FBXO46: variants seen among roughly 807,000 people sequenced by gnomAD.
FBXO46 encodes the protein F-box protein 46, also known as F-box only protein 46.
In FBXO46, 13 loss-of-function variants were observed where a neutral mutation model predicts 30.7. The observed-to-expected ratio is 0.42, with a 90% confidence interval of 0.28 to 0.67. FBXO46 has a LOEUF of 0.67. Ranked by LOEUF, FBXO46 falls within the 30% of genes least tolerant of loss-of-function variation. FBXO46 has a pLI of 0.21. For synonymous variants in FBXO46, 467 were observed against 385.8 expected (o/e 1.21, Z -2.47); for missense variants, 754 against 871.5 (o/e 0.87, Z 1.70).
At chr19:45,717,662 C>A (rs1418770381) in intron 1 of FBXO46, among the ~76,000 whole-genome samples, 1 of 152,140 alleles carries the variant, frequency 6.6e-6, no homozygotes, top group African/African-American at 2.4e-5. Flanking sequence ...TCCCCTCGAA[C>A]AGAAGCCCTG....
chr19:45,713,407 G>A lies in FBXO46; in HGVS notation c.89C>T (p.Ala30Val), dbSNP rs372194078. The stretch of plus-strand genomic sequence containing the variant: ...AGGGCAGGCTGATGGCTTGAGGGCC[G>A]CAGAAGGCGGGCGTGGCTGGTTCTG... ...YSQNQPRPPS[A>V]ALKPSACPEP... The change falls in exon 2 of 2, where the codon GCG becomes GTG. Residue 30 changes from alanine (A) to valine (V), a missense_variant. By Grantham distance (64) the Ala-to-Val change is moderately conservative. Around this residue, in one of 5 missense-constraint regions of FBXO46, gnomAD observed 97 missense variants for 113.0 expected, o/e 0.86. Transcript: ENST00000317683. The surrounding 1 kb of genome is among the most constrained non-coding windows in gnomAD (Gnocchi z 4.7). The A allele has an allele frequency of 1.3e-5, 21 of 1,608,742 alleles. No individual in the cohort carries two copies. The highest frequency in any genetic ancestry group is 3.5e-4 in the Middle Eastern group (2 of 5,770).
At chr19:45,718,699 C>G (rs1352019638) in intron 1 of FBXO46, among the ~76,000 whole-genome samples, 2 of 151,958 alleles carry the variant, frequency 1.3e-5, no homozygotes, top group Non-Finnish European at 2.9e-5. Flanking sequence ...GTTCCCTCTT[C>G]CCTGCCTACT....
At position 45,712,987 on chromosome 19, in the gene FBXO46, A is replaced by G; in HGVS notation, c.509T>C (p.Leu170Pro). The G allele has an allele frequency of 6.3e-7, 1 of 1,575,230 alleles. No homozygotes were observed. The highest frequency in any genetic ancestry group is 8.6e-7 in the Non-Finnish European group (1 of 1,160,318). Reference protein sequence around the residue: ...PASAGEDVDLLSVAEMVALVE... With the variant: ...PASAGEDVDLPSVAEMVALVE... ...CAGGGCCACCATCTCGGCCACAGAG[A>G]GCAGGTCCACGTCCTCACCGGCTGA... is the stretch of plus-strand genomic sequence containing the variant. Residue 170 changes from leucine to proline, a missense_variant, in exon 2 of 2, where the codon CTC becomes CCC. Around this residue, in one of 5 missense-constraint regions of FBXO46, gnomAD observed 454 missense variants for 426.5 expected, o/e 1.06. Transcript: ENST00000317683. The surrounding 1 kb of genome is among the most constrained non-coding windows in gnomAD (Gnocchi z 8.8).
At chr19:45,723,331 G>A (rs1394413520) in intron 1 of FBXO46, 1 of 152,184 alleles carries the variant, frequency 6.6e-6, no homozygotes, top group African/African-American at 2.4e-5. Context: ...CTATGATCAT[G>A]CCACTGCACT....
Position 45,712,847 on chromosome 19 carries a change from G to A in FBXO46, c.649C>T (p.Arg217Trp), listed in dbSNP as rs771585254. The A allele has an allele frequency of 4.1e-5, 66 of 1,613,156 alleles. No homozygotes were observed. Among genetic ancestry groups the A allele is most frequent in the Non-Finnish European group, 4.7e-5 (55 of 1,179,714 alleles). Residue 217 changes from arginine (R) to tryptophan (W), a missense_variant, in exon 2 of 2, where the codon CGG becomes TGG. Around this residue, in one of 5 missense-constraint regions of FBXO46, gnomAD observed 454 missense variants for 426.5 expected, o/e 1.06. Coordinates refer to ENST00000317683, the MANE Select transcript of FBXO46 (RefSeq NM_001080469.2). This position sits in a 1 kb window ranked among gnomAD's most constrained non-coding sequence, Gnocchi z 8.8. ...GGPAKGVGSE[R>W]RSGGGDCSRV... ...CTGCAGTCCCCACCACCGGACCGCC[G>A]TTCAGATCCCACCCCCTTGGCCGGT...
intron 1 of FBXO46, among the ~76,000 whole-genome samples, 168 bp downstream of exon 1, chr19:45,730,681 A>C: frequency 7.0e-6 from 1 of 142,524 alleles, no homozygotes; most frequent in African/African-American, 2.6e-5. Context: ...TCCCCAAGCC[A>C]CCATTCTTCT....
At chr19:45,721,644 G>C (rs1200569698) in intron 1 of FBXO46, among the ~76,000 whole-genome samples, 58 of 144,968 alleles carry the variant, frequency 4.0e-4, no homozygotes, top group African/African-American at 1.5e-3. Flanking sequence ...CCTCTGCCTC[G>C]TGGGTTCAAG....
In FBXO46 at chr19:45,711,655, G is replaced by T; in HGVS notation, c.*29C>A. On this transcript the variant is annotated 3_prime_UTR_variant, in exon 2 of 2. Coordinates refer to ENST00000317683, the MANE Select transcript of FBXO46 (RefSeq NM_001080469.2). The stretch of plus-strand genomic sequence containing the variant: ...GGGGGGAGAGGGGAGGGGTGGGCGT[G>T]GTGGGCTCTCCCCTCCCCTCCCCCG... The T allele has an allele frequency of 6.7e-7, 1 of 1,496,274 alleles. No individual in the cohort carries two copies. Among genetic ancestry groups the T allele is most frequent in the African/African-American group, 1.4e-5 (1 of 72,296 alleles). 92.7% of individuals were successfully genotyped at this position (1,496,274 alleles called of 1,614,324 possible).
chr19:45,711,415 T>G lies in FBXO46; in HGVS notation c.*269A>C. 1.6e-6 allele frequency: 1 copy of G among 624,020 alleles called. No homozygotes were observed. Among genetic ancestry groups the G allele is most frequent in the South Asian group, 1.5e-5 (1 of 65,854 alleles). The allele number at this position is 624,020 out of a possible 1,614,324, so 38.7% of individuals were successfully genotyped here. ...AGCATGGCAGGGAGGGGGTTGGGGC[T>G]GAATGGAGAAGAAAGTGAGATGCTG... On this transcript the variant is annotated 3_prime_UTR_variant, in exon 2 of 2. Transcript: ENST00000317683.
At chr19:45,718,870 A>G (rs762766819) in intron 1 of FBXO46, among the ~76,000 whole-genome samples, 2 of 152,042 alleles carry the variant, frequency 1.3e-5, no homozygotes, top group African/African-American at 4.8e-5. Context: ...AAATATGGAA[A>G]ATCAAAAGAC....
chr19:45,731,633 C>A (rs565923104), upstream of FBXO46, among the ~76,000 whole-genome samples: 1 of 151,566 alleles, frequency 6.6e-6, no homozygotes, highest in Non-Finnish European at 1.5e-5. Context: ...CCTTTCTTAC[C>A]TCCTGATTTA....
At position 45,713,579 on chromosome 19, in the gene FBXO46, G is replaced by C. The variant is rs1321913576; in HGVS notation, c.-78-6C>G. ...TGGGAGGCTCCACATGCCACCTGGA[G>C]ACACGAAGAGGAGGTTGGGGAGCTA... On this transcript the variant is annotated splice_region_variant and splice_polypyrimidine_tract_variant and intron_variant, in intron 1 of 1. Transcript: ENST00000317683. The surrounding 1 kb of genome is among the most constrained non-coding windows in gnomAD (Gnocchi z 4.7). The C allele has an allele frequency of 8.7e-7, 1 of 1,154,960 alleles. No individual in the cohort carries two copies. The highest frequency in any genetic ancestry group is 1.2e-6 in the Non-Finnish European group (1 of 825,068). The allele number at this position is 1,154,960 out of a possible 1,614,324, so 71.5% of individuals were successfully genotyped here.
chr19:45,726,213 A>G (rs1968238049), intron 1 of FBXO46, among the ~76,000 whole-genome samples: 1 of 151,942 alleles, frequency 6.6e-6, no homozygotes, highest in Non-Finnish European at 1.5e-5. Flanking sequence ...GTGTAGTGGC[A>G]TGCAACTGTA....
At chr19:45,715,692 A>C (rs1165292620) in intron 1 of FBXO46, 1 of 151,114 alleles carries the variant, frequency 6.6e-6, no homozygotes, top group Admixed American at 6.7e-5. Flanking sequence ...CTGTAGTCCC[A>C]TCTACTCAGG....
chr19:45,713,523 G>T lies in FBXO46; in HGVS notation c.-28C>A. On this transcript the variant is annotated 5_prime_UTR_variant, in exon 2 of 2. Transcript: ENST00000317683. This position sits in a 1 kb window ranked among gnomAD's most constrained non-coding sequence, Gnocchi z 4.7. Reference sequence around the variant, plus strand: ...TGGGGGATGATGGCAGACAGGCTGGGCTTCAGCGCATCTCAGGACCTAGGT... The same window carrying T: ...TGGGGGATGATGGCAGACAGGCTGGTCTTCAGCGCATCTCAGGACCTAGGT... 6.6e-7 allele frequency: 1 copy of T among 1,516,802 alleles called. No individual in the cohort carries two copies. The highest frequency in any genetic ancestry group is 8.9e-7 in the Non-Finnish European group (1 of 1,126,572). 94.0% of individuals were successfully genotyped at this position (1,516,802 alleles called of 1,614,324 possible). A position where few individuals can be genotyped will look rare whatever the true frequency, so the allele number is the denominator to read the frequency against.
Position 45,711,985 on chromosome 19 carries a change from T to A in FBXO46, c.1511A>T (p.Lys504Met). 1.2e-6 allele frequency: 2 copies of A among 1,612,812 alleles called. No individual in the cohort carries two copies. Among genetic ancestry groups the A allele is most frequent in the Non-Finnish European group, 1.7e-6 (2 of 1,179,708 alleles). Reference protein sequence around the residue: ...AALKCTCHHFKGIIEAFGVRA... With the variant: ...AALKCTCHHFMGIIEAFGVRA... ...CACGCCAAACGCCTCGATGATGCCCTTGAAGTGGTGGCAGGTGCACTTGAG... is the reference window on the plus strand; with the variant it reads ...CACGCCAAACGCCTCGATGATGCCCATGAAGTGGTGGCAGGTGCACTTGAG... The change falls in exon 2 of 2, where the codon AAG becomes ATG. Residue 504 changes from lysine to methionine, a missense_variant. Lys to Met is a moderately conservative substitution (Grantham distance 95). Around this residue, in one of 5 missense-constraint regions of FBXO46, gnomAD observed 162 missense variants for 258.7 expected, o/e 0.63. Coordinates refer to ENST00000317683, the MANE Select transcript of FBXO46 (RefSeq NM_001080469.2).
chr19:45,719,571 G>C (rs189751074), intron 1 of FBXO46, among the ~76,000 whole-genome samples: 1 of 140,190 alleles, frequency 7.1e-6, no homozygotes, highest in African/African-American at 2.7e-5. Context: ...GGGAAAATTA[G>C]TAAGGACCTG....
chr19:45,713,906 TGCA>T lies in FBXO46; in HGVS notation c.-78-336_-78-334del, dbSNP rs1220461828. On this transcript the variant is annotated intron_variant, in intron 1 of 1. Transcript: ENST00000317683. This position sits in a 1 kb window ranked among gnomAD's most constrained non-coding sequence, Gnocchi z 4.7. The stretch of plus-strand genomic sequence containing the variant: ...TCGCTTGAACCTGGGAGGTGGAGGT[TGCA>T]GCGAGACCAGATGGCACCATTACAC... Among the ~76,000 whole-genome samples, 1 of 143,512 alleles carries T rather than the reference TGCA, an allele frequency of 7.0e-6. No homozygotes were observed. The highest frequency in any genetic ancestry group is 1.5e-5 in the Non-Finnish European group (1 of 67,120). 94.1% of individuals were successfully genotyped at this position (143,512 alleles called of 152,430 possible). A position where few individuals can be genotyped will look rare whatever the true frequency, so the allele number is the denominator to read the frequency against.
In FBXO46 at chr19:45,713,710, G is replaced by A. The variant is rs1968040457; in HGVS notation, c.-78-137C>T. Reference sequence around the variant, plus strand: ...TGGCTGGGCGCGGTGGCTCACGCCTGTAATCCCAGCACTTTGGGAGGCTGA... The same window carrying A: ...TGGCTGGGCGCGGTGGCTCACGCCTATAATCCCAGCACTTTGGGAGGCTGA... On this transcript the variant is annotated intron_variant, in intron 1 of 1. Coordinates refer to ENST00000317683, the MANE Select transcript of FBXO46 (RefSeq NM_001080469.2). The surrounding 1 kb of genome is among the most constrained non-coding windows in gnomAD (Gnocchi z 4.7). The A allele has an allele frequency of 4.2e-6, 2 of 479,592 alleles. No individual in the cohort carries two copies. The allele number at this position is 479,592 out of a possible 1,614,324, so 29.7% of individuals were successfully genotyped here. A position where few individuals can be genotyped will look rare whatever the true frequency, so the allele number is the denominator to read the frequency against.
Sources: allele counts gnomAD v4.1 joint callset (sites outside exome capture counted in the v4.1 genomes callset), GRCh38; gene constraint gnomAD v4.1.1; regional missense constraint gnomAD v4.1.1; non-coding constraint Gnocchi (gnomAD v3.1); transcripts MANE v1.5; gene names NCBI Gene and HGNC (gene_info 2026-07-23, HGNC 2026-07-21).